The following MINDY4 variants were observed in gnomAD, a reference collection of about 807,000 sequenced individuals.
The protein encoded by MINDY4 is MINDY lysine 48 deubiquitinase 4, also known as probable ubiquitin carboxyl-terminal hydrolase MINDY-4.
A neutral mutation model predicts 87.0 loss-of-function variants in MINDY4; 68 were observed. That is an observed-to-expected ratio of 0.78 (90% CI 0.64 to 0.96). MINDY4 has a LOEUF of 0.96. MINDY4 is among the 40% of genes least tolerant of loss of function. The pLI, the probability that MINDY4 is intolerant of heterozygous loss-of-function variation, is 0.00. For missense variants in MINDY4, 919 were observed against 928.2 expected (o/e 0.99, Z 0.13); for synonymous variants, 379 against 363.2 (o/e 1.04, Z -0.50).
rs191994683 is a variant in MINDY4 at position 30,819,795 on chromosome 7, A to G, written c.1074-8884A>G. On this transcript the variant is annotated intron_variant, in intron 5 of 17. Transcript: ENST00000265299. ...TGTTTTTATCTGATAGCATTTAGCT[A>G]CATCACCTTTTAAATGGCTAGTATA... Among the ~76,000 whole-genome samples, 34 of 152,148 alleles carry G rather than the reference A, an allele frequency of 2.2e-4. No individual in the cohort carries two copies. In the East Asian group the frequency reaches 5.4e-3, roughly 24 times the overall value.
At chr7:30,883,080 C>A in intron 17 of MINDY4, 87 bp downstream of exon 17, 4 of 1,296,520 alleles carry the variant, frequency 3.1e-6, no homozygotes, top group Non-Finnish European at 4.4e-6. Context: ...TGCAGGAAGG[C>A]AGATAGGTTC....
At chr7:30,780,165 C>T (rs1786963990) in intron 2 of MINDY4, 1 of 152,200 alleles carries the variant, frequency 6.6e-6, no homozygotes, top group Non-Finnish European at 1.5e-5. Flanking sequence ...GTCTCCTGTC[C>T]TGTAGCAAGT....
chr7:30,875,458 A>C (rs957760615), intron 14 of MINDY4, 37 bp from the exon 15 acceptor site: 1 of 1,611,406 alleles, frequency 6.2e-7, no homozygotes, highest in Non-Finnish European at 8.5e-7. Context: ...TAACTGATTC[A>C]GACTTGATGA....
chr7:30,860,712 A>G lies in MINDY4; in HGVS notation c.1745+1388A>G, dbSNP rs371686030. On this transcript the variant is annotated intron_variant, in intron 13 of 17. Transcript: ENST00000265299. ...TCACTGGGAGTGGGCGCCTTGTTAC[A>G]TGCATGCTCCTGCATGTAGCCCTGT... Among the ~76,000 whole-genome samples, 104 of 152,150 alleles carry G rather than the reference A, an allele frequency of 6.8e-4. 2 individuals are homozygous for G. Among genetic ancestry groups the G allele is most frequent in the African/African-American group, 2.4e-3 (99 of 41,520 alleles).
At position 30,875,475 on chromosome 7, in the gene MINDY4, C is replaced by A; in HGVS notation, c.1810-20C>A. 1 of 1,613,746 alleles carries A rather than the reference C, an allele frequency of 6.2e-7. No homozygotes were observed. Among genetic ancestry groups the A allele is most frequent in the Non-Finnish European group, 8.5e-7 (1 of 1,179,728 alleles). On this transcript the variant is annotated intron_variant, in intron 14 of 17. Coordinates refer to ENST00000265299, the MANE Select transcript of MINDY4 (RefSeq NM_032222.3). The stretch of plus-strand genomic sequence containing the variant: ...ACTGATTCAGACTTGATGAGTCTTT[C>A]CCCTTTCTCTCATCTGCAGGAACTT...
chr7:30,836,358 C>G (rs988550523), intron 6 of MINDY4, among the ~76,000 whole-genome samples: 3 of 152,190 alleles, frequency 2.0e-5, no homozygotes, highest in African/African-American at 4.8e-5. Flanking sequence ...TTGTTCCACT[C>G]TATGTCCATG....
intron 4 of MINDY4, among the ~76,000 whole-genome samples, chr7:30,788,793 G>A (rs564403479): frequency 1.1e-3 from 162 of 152,270 alleles, no homozygotes; most frequent in African/African-American, 3.7e-3. Context: ...CATCCTCCAC[G>A]GTCAGCGGAA....
intron 12 of MINDY4, among the ~76,000 whole-genome samples, chr7:30,855,074 G>A (rs1365855394): frequency 6.6e-6 from 1 of 152,228 alleles, no homozygotes; most frequent in Non-Finnish European, 1.5e-5. Context: ...TAGGCCAACT[G>A]CTGATGCGGT....
chr7:30,883,047 C>A, intron 17 of MINDY4, 54 bp downstream of exon 17: 1 of 1,571,564 alleles, frequency 6.4e-7, no homozygotes, highest in Non-Finnish European at 8.7e-7. Flanking sequence ...CTTTGAGGAG[C>A]CATGGTTGGG....
chr7:30,860,957 A>G (rs548615479), intron 13 of MINDY4, among the ~76,000 whole-genome samples: 1 of 152,294 alleles, frequency 6.6e-6, no homozygotes, highest in South Asian at 2.1e-4. Flanking sequence ...AAAGACAAAC[A>G]TGGATACACA....
chr7:30,846,882 A>T (rs1179738984), intron 9 of MINDY4, among the ~76,000 whole-genome samples: 1 of 152,154 alleles, frequency 6.6e-6, no homozygotes, highest in Non-Finnish European at 1.5e-5. Flanking sequence ...TCCTGCCCCC[A>T]CGAGAGTCTT....
intron 9 of MINDY4, among the ~76,000 whole-genome samples, chr7:30,848,144 C>T: frequency 6.6e-6 from 1 of 152,224 alleles, no homozygotes; most frequent in Middle Eastern, 3.2e-3. Flanking sequence ...CTCCTTACTT[C>T]CAGATATGGA....
At chr7:30,827,456 C>T (rs762059653) in intron 5 of MINDY4, among the ~76,000 whole-genome samples, 7 of 152,160 alleles carry the variant, frequency 4.6e-5, no homozygotes, top group Non-Finnish European at 8.8e-5. Flanking sequence ...GACACAAACT[C>T]AGTGTCGACT....
At chr7:30,801,603 C>T (rs1787652232) in intron 5 of MINDY4, among the ~76,000 whole-genome samples, 1 of 152,060 alleles carries the variant, frequency 6.6e-6, no homozygotes, top group Admixed American at 6.5e-5. Context: ...TTGCTGGCCT[C>T]CTGAAAGTAG....
At chr7:30,784,554 G>A (rs543564986) in intron 3 of MINDY4, among the ~76,000 whole-genome samples, 84 of 152,324 alleles carry the variant, frequency 5.5e-4, no homozygotes, top group Non-Finnish European at 8.4e-4. Context: ...CTATCCTGCC[G>A]AAGGGCTTCA....
At chr7:30,874,003 G>A (rs564374516) in intron 14 of MINDY4, among the ~76,000 whole-genome samples, 1 of 152,286 alleles carries the variant, frequency 6.6e-6, no homozygotes, top group South Asian at 2.1e-4. Flanking sequence ...CAGGGGTATT[G>A]GTGTTAACTG....
intron 12 of MINDY4, chr7:30,859,018 T>C (rs1447239095): frequency 1.4e-6 from 1 of 706,724 alleles, no homozygotes; most frequent in South Asian, 1.5e-5. Flanking sequence ...CTGAGGTCAC[T>C]GATGCTCTCT....
chr7:30,867,306 C>T (rs1189705918), intron 13 of MINDY4, among the ~76,000 whole-genome samples: 1 of 152,138 alleles, frequency 6.6e-6, no homozygotes, highest in Non-Finnish European at 1.5e-5. Context: ...GGGTTCTTGG[C>T]CGTGATATGA....
chr7:30,858,906 C>T, intron 12 of MINDY4: 1 of 494,478 alleles, frequency 2.0e-6, no homozygotes, highest in Non-Finnish European at 3.9e-6. Context: ...ATAGTACTGT[C>T]CCCCAGGACT....
Sources: allele counts gnomAD v4.1 joint callset (sites outside exome capture counted in the v4.1 genomes callset), GRCh38; gene constraint gnomAD v4.1.1; transcripts MANE v1.5; gene names NCBI Gene and HGNC (gene_info 2026-07-23, HGNC 2026-07-21).